Variants in MYL5 observed in about 807,000 individuals in gnomAD.
The protein encoded by MYL5 is myosin light chain 5.
MYL5 carries 28 observed loss-of-function variants against 20.8 expected under a neutral mutation model. The ratio of observed to expected loss-of-function variants is 1.35; its 90% CI spans 1.00 to 1.84. The LOEUF (loss-of-function observed/expected upper bound fraction) is 1.84, where lower values mean the gene tolerates loss of function less well. Among genes scored for constraint, MYL5 ranks in the 40% most tolerant of loss-of-function variants. The probability of loss-of-function intolerance (pLI) is 0.00; values close to 1 mark genes in which losing one functional copy is unlikely to be tolerated. For synonymous variants in MYL5, 118 were observed against 87.4 expected (o/e 1.35, Z -1.95); for missense variants, 274 against 227.3 (o/e 1.21, Z -1.32).
exon 1 of MYL5, chr4:677,977 G>C: frequency 6.2e-7 from 1 of 1,613,254 alleles, no homozygotes; most frequent in Non-Finnish European, 8.5e-7. Context: ...GCTTAAGATG[G>C]GCAAGACCTG....
chr4:679,532 C>T (rs1453786716), intron 3 of MYL5, among the ~76,000 whole-genome samples: 1 of 152,192 alleles, frequency 6.6e-6, no homozygotes, highest in Admixed American at 6.5e-5. Flanking sequence ...TGCCTCTGAC[C>T]TGAGGCAGGA....
rs761908477 is a variant in MYL5, at chr4:681,124, A to C, written c.404A>C (p.Lys135Thr). The change falls in exon 6 of 7, where the codon AAG becomes ACG. Residue 135 changes from lysine (K) to threonine (T), a missense_variant. Lys to Thr is a moderately conservative substitution (Grantham distance 78, BLOSUM62 -1). Coordinates refer to ENST00000400159, the Ensembl canonical transcript of MYL5. The stretch of plus-strand genomic sequence containing the variant: ...CGTCTGCTGATGTCCCAGGCTGACA[A>C]GATGACGGCGGAAGAGGTCTGGCCC... 16 of 1,607,314 alleles carry C rather than the reference A, an allele frequency of 1.0e-5. 1 individual carries two copies. The South Asian group carries it at 1.8e-4, about 18-fold the overall frequency.
chr4:679,543 G>T (rs1739228304), intron 3 of MYL5, among the ~76,000 whole-genome samples: 1 of 152,210 alleles, frequency 6.6e-6, no homozygotes, highest in South Asian at 2.1e-4. Context: ...TGAGGCAGGA[G>T]GGCAGGGGGC....
At chr4:681,620 G>A (rs1268420955) in intron 6 of MYL5, among the ~76,000 whole-genome samples, 11 of 29,118 alleles carry the variant, frequency 3.8e-4, no homozygotes, top group Non-Finnish European at 4.7e-4. Context: ...CTCCAGCGCC[G>A]CCCCGCCCCC....
At chr4:674,744 C>A (rs564972777), upstream of MYL5, 32 of 177,414 alleles carry the variant, frequency 1.8e-4, 1 homozygote, top group South Asian at 3.2e-3. Flanking sequence ...GTGGCCTGGG[C>A]AGGGACCTGG....
chr4:681,983 A>G (rs139852524), exon 7 of MYL5: 869 of 1,404,214 alleles, frequency 6.2e-4, no homozygotes, highest in Middle Eastern at 3.4e-3. Flanking sequence ...CGGGGAGGAG[A>G]AGGAGGAGTG....
chr4:676,832 C>A, upstream of MYL5: 4 of 971,512 alleles, frequency 4.1e-6, no homozygotes, highest in Non-Finnish European at 4.9e-6. Context: ...ACCTTGCAGT[C>A]GGCCCCAGGT....
intron 6 of MYL5, 35 bp downstream of exon 8, chr4:681,175 G>A (rs1284593010): frequency 1.9e-6 from 3 of 1,588,614 alleles, no homozygotes; most frequent in Admixed American, 3.5e-5. Flanking sequence ...AGCCCACGAG[G>A]GGAGGGCGGG....
rs1427814927 is a variant in MYL5 at position 680,980 on chromosome 4, G to C, written c.372-112G>C. 4 of 1,204,652 alleles carry C rather than the reference G, an allele frequency of 3.3e-6. No individual in the cohort carries two copies. The African/African-American group carries it at 6.0e-5, about 18-fold the overall frequency. 74.6% of individuals were successfully genotyped at this position (1,204,652 alleles called of 1,614,324 possible). A position where few individuals can be genotyped will look rare whatever the true frequency, so the allele number is the denominator to read the frequency against. ...CCAGGGCCACACTCCAGCGGGAAGGGCGGGAGTGCAGTGAGCGAGTACAAC... is the reference window on the plus strand; with the variant it reads ...CCAGGGCCACACTCCAGCGGGAAGGCCGGGAGTGCAGTGAGCGAGTACAAC... On this transcript the variant is annotated intron_variant, in intron 5 of 6. Transcript: ENST00000400159.
rs201376779 is a variant in MYL5 at position 680,597 on chromosome 4, C to T, written c.371+10C>T. ...AAATCAACAAGGAGTAGTGAGTGCC[C>T]GGGCGGCCAGGGCGGCCCGGCTTCC... On this transcript the variant is annotated intron_variant, in intron 5 of 6. Coordinates refer to ENST00000400159, the Ensembl canonical transcript of MYL5. 1.8e-4 allele frequency: 289 copies of T among 1,612,530 alleles called. 2 individuals carry two copies. The highest frequency in any genetic ancestry group is 8.9e-5 in the East Asian group (4 of 44,868).
At chr4:680,059 C>T (rs905355761) in intron 4 of MYL5, 41 bp downstream of exon 6, 1 of 1,479,462 alleles carries the variant, frequency 6.8e-7, no homozygotes, top group African/African-American at 1.4e-5. Flanking sequence ...CTAGCTAATT[C>T]CTAACAGTTA....
At chr4:676,786 C>T (rs111561980), upstream of MYL5, 9 of 719,258 alleles carry the variant, frequency 1.3e-5, no homozygotes, top group African/African-American at 1.2e-4. Flanking sequence ...CTGGCCCTTG[C>T]TCCCAGCCCC....
upstream of MYL5, chr4:675,391 C>T (rs560421160): frequency 1.6e-4 from 24 of 152,592 alleles, no homozygotes; most frequent in African/African-American, 5.5e-4. Flanking sequence ...CCTGTGTCCC[C>T]TCCTGGCCCT....
chr4:678,830 T>TG, intron 2 of MYL5, 65 bp downstream of exon 4: 1 of 1,607,588 alleles, frequency 6.2e-7, no homozygotes, highest in Non-Finnish European at 8.5e-7. Flanking sequence ...AGACCCCATG[T>TG]GGGCTGGCTC....
chr4:674,866 G>A (rs1006519520), upstream of MYL5: 5 of 153,080 alleles, frequency 3.3e-5, no homozygotes, highest in Admixed American at 2.6e-4. Context: ...TCCGCGGCCC[G>A]CGGGAGCATG....
At chr4:677,759 T>G (rs117608218), upstream of MYL5, among the ~76,000 whole-genome samples, 1,792 of 151,844 alleles carry the variant, frequency 0.012, 21 homozygotes, top group South Asian at 0.039. Context: ...CTCCCCGGGG[T>G]TCGGGGACAG....
chr4:680,535 A>G, exon 5 of MYL5: 1 of 1,613,506 alleles, frequency 6.2e-7, no homozygotes, highest in Non-Finnish European at 8.5e-7. Context: ...GACCATTCTT[A>G]ACGCCTTCAA....
chr4:678,118 T>C, intron 1 of MYL5, 89 bp downstream of exon 3: 1 of 1,575,284 alleles, frequency 6.3e-7, no homozygotes, highest in South Asian at 1.1e-5. Flanking sequence ...AGCGTGGGCG[T>C]GTCCGTGCTT....
At chr4:680,057 T>C in intron 4 of MYL5, 39 bp downstream of exon 6, 2 of 1,474,036 alleles carry the variant, frequency 1.4e-6, no homozygotes, top group Non-Finnish European at 1.9e-6. Context: ...TCCTAGCTAA[T>C]TCCTAACAGT....
Sources: gnomAD v4.1 joint callset for allele counts (sites outside exome capture counted in the v4.1 genomes callset) on GRCh38, gnomAD v4.1.1 for gene constraint, MANE v1.5 for transcripts, NCBI Gene and HGNC (gene_info 2026-07-23, HGNC 2026-07-21) for gene names.